The following ARB2A variants were observed in gnomAD, a reference collection of about 807,000 sequenced individuals.
The protein encoded by ARB2A is ARB2 cotranscriptional regulator A.
chr5:93,980,354 A>G, the ARB2A span, among the ~76,000 whole-genome samples: 23 of 152,150 alleles, frequency 1.5e-4, no homozygotes, highest in Non-Finnish European at 4.4e-5. Context: ...GTAGATAATC[A>G]TGCTTCATTA....
chr5:93,649,472 C>T, the ARB2A span, among the ~76,000 whole-genome samples: 3 of 152,074 alleles, frequency 2.0e-5, no homozygotes, highest in Non-Finnish European at 4.4e-5. Flanking sequence ...ATTTTATTGG[C>T]TTAAGGTGTC....
chr5:93,970,396 CTAAG>C, the ARB2A span, among the ~76,000 whole-genome samples: 3 of 152,040 alleles, frequency 2.0e-5, no homozygotes, highest in African/African-American at 4.8e-5. Context: ...AGAAAACAGA[CTAAG>C]TATCTGAATT....
At chr5:93,949,391 T>A in the ARB2A span, among the ~76,000 whole-genome samples, 3 of 151,720 alleles carry the variant, frequency 2.0e-5, no homozygotes, top group African/African-American at 7.3e-5. Context: ...TGAAACCCCA[T>A]CTCTACTAAA....
the ARB2A span, among the ~76,000 whole-genome samples, chr5:93,999,712 A>G: frequency 2.2e-3 from 328 of 152,082 alleles, 1 homozygote; most frequent in Non-Finnish European, 4.0e-3. Context: ...TTAGGGTTCA[A>G]TCTTGGTGCT....
chr5:93,729,701 T>C, the ARB2A span, among the ~76,000 whole-genome samples: 2 of 152,134 alleles, frequency 1.3e-5, no homozygotes, highest in East Asian at 1.9e-4. Flanking sequence ...AAATTAGCAA[T>C]ATAAAATGTC....
At chr5:94,033,934 A>G in the ARB2A span, among the ~76,000 whole-genome samples, 1 of 152,172 alleles carries the variant, frequency 6.6e-6, no homozygotes, top group African/African-American at 2.4e-5. Context: ...ATTTCTCAGG[A>G]CTGGATTAGT....
chr5:93,799,726 A>G, the ARB2A span, among the ~76,000 whole-genome samples: 1 of 152,118 alleles, frequency 6.6e-6, no homozygotes, highest in African/African-American at 2.4e-5. Flanking sequence ...AAGCTGCCCC[A>G]TATTGATTAA....
the ARB2A span, among the ~76,000 whole-genome samples, chr5:94,036,114 G>A: frequency 6.6e-6 from 1 of 152,084 alleles, no homozygotes; most frequent in Non-Finnish European, 1.5e-5. Context: ...ACAATGTACT[G>A]ACTCTATTCC....
At chr5:93,620,758 G>A in the ARB2A span, 2 of 445,622 alleles carry the variant, frequency 4.5e-6, no homozygotes, top group African/African-American at 2.0e-5. Context: ...GACTGGCAGC[G>A]CTCAGCCCGC....
the ARB2A span, among the ~76,000 whole-genome samples, chr5:93,948,634 T>C: frequency 6.6e-6 from 1 of 152,200 alleles, no homozygotes; most frequent in Non-Finnish European, 1.5e-5. Flanking sequence ...AGGGTTTTTA[T>C]GGTTTTAGGT....
At chr5:93,741,548 GC>G in the ARB2A span, 15 of 1,576,406 alleles carry the variant, frequency 9.5e-6, no homozygotes, top group Non-Finnish European at 1.3e-5. Context: ...TGGTTTGAGG[GC>G]CTGTGTCCGG....
At chr5:93,951,005 TA>T in the ARB2A span, among the ~76,000 whole-genome samples, 7 of 150,984 alleles carry the variant, frequency 4.6e-5, no homozygotes, top group Non-Finnish European at 7.4e-5. Context: ...ATAAATAAAA[TA>T]AAAATAAAAG....
At chr5:93,958,428 AT>A in the ARB2A span, among the ~76,000 whole-genome samples, 7 of 152,202 alleles carry the variant, frequency 4.6e-5, no homozygotes, top group Admixed American at 4.6e-4. Context: ...GTCAGAAGTT[AT>A]TTTCAATAAT....
the ARB2A span, among the ~76,000 whole-genome samples, chr5:93,768,464 T>G: frequency 9.1e-6 from 1 of 109,452 alleles, no homozygotes; most frequent in Non-Finnish European, 2.0e-5. Context: ...AAATATCCAC[T>G]ATATATATAT....
chr5:94,110,046 A>G, the ARB2A span, among the ~76,000 whole-genome samples: 5 of 151,772 alleles, frequency 3.3e-5, no homozygotes, highest in Non-Finnish European at 7.4e-5. Flanking sequence ...CACCACACCC[A>G]GCTAATTTTT....
chr5:94,036,569 A>C, the ARB2A span, among the ~76,000 whole-genome samples: 1 of 152,172 alleles, frequency 6.6e-6, no homozygotes, highest in Non-Finnish European at 1.5e-5. Flanking sequence ...ACATCTTTTC[A>C]TATGTTTAAA....
the ARB2A span, among the ~76,000 whole-genome samples, chr5:94,086,676 C>A: frequency 2.0e-5 from 3 of 152,092 alleles, no homozygotes; most frequent in South Asian, 6.2e-4. Context: ...CCTCAGACTC[C>A]CGAGTAGCTG....
chr5:93,768,960 T>TA, the ARB2A span, among the ~76,000 whole-genome samples: 6,287 of 150,100 alleles, frequency 0.042, 414 homozygotes, highest in African/African-American at 0.14. Flanking sequence ...AAAATAAAAC[T>TA]AAAAAAAAAG....
the ARB2A span, among the ~76,000 whole-genome samples, chr5:93,652,363 A>G: frequency 6.6e-6 from 1 of 152,294 alleles, no homozygotes; most frequent in Admixed American, 6.5e-5. Context: ...TAATCAGAAT[A>G]ATAATTTTGA....
Sources: gnomAD v4.1 joint callset for allele counts (sites outside exome capture counted in the v4.1 genomes callset) on GRCh38, gnomAD v4.1.1 for gene constraint, MANE v1.5 for transcripts, NCBI Gene and HGNC (gene_info 2026-07-23, HGNC 2026-07-21) for gene names.